The following SPAG17 variants were observed in gnomAD, a reference collection of about 807,000 sequenced individuals.
SPAG17 encodes the protein sperm-associated antigen 17.
Under a neutral mutation model 273.6 loss-of-function variants are expected in SPAG17, and 169 were observed. The observed-to-expected ratio is 0.62, with a 90% CI of 0.55 to 0.70. SPAG17 has a LOEUF of 0.70. Among genes scored for constraint, SPAG17 ranks in the 30% least tolerant of loss-of-function variants. SPAG17 has a pLI of 0.00. For synonymous variants in SPAG17, 825 were observed against 873.2 expected, an observed-to-expected ratio of 0.94 and a Z score of 0.97; for missense variants, 2,557 against 2,627.8, an observed-to-expected ratio of 0.97 and a Z score of 0.59.
At chr1:118,009,648 C>G (rs1386249089) in intron 30 of SPAG17, among the ~76,000 whole-genome samples, 1 of 152,126 alleles carries the variant, frequency 6.6e-6, no homozygotes, top group African/African-American at 2.4e-5. Context: ...GTATCTAGGA[C>G]AGATGAATAT....
At chr1:118,034,683 T>C (rs1224087405) in intron 24 of SPAG17, among the ~76,000 whole-genome samples, 5 of 152,212 alleles carry the variant, frequency 3.3e-5, no homozygotes, top group African/African-American at 2.4e-5. Flanking sequence ...AGAGACAGCA[T>C]AGTTTATTCA....
rs1464510055 is a variant in SPAG17, at chr1:117,994,534, G to A, written c.5054-4C>T. On this transcript the variant is annotated splice_region_variant and splice_polypyrimidine_tract_variant and intron_variant, in intron 34 of 48. Coordinates refer to ENST00000336338, the MANE Select transcript of SPAG17 (RefSeq NM_206996.4). ...AGGACTGTGATGGTTAGGGTGCCTG[G>A]TTCAAAGAAAGTTGTCAGAAGACCA... 6.2e-7 allele frequency: 1 copy of A among 1,602,252 alleles called. No homozygotes were observed. The highest frequency in any genetic ancestry group is 1.3e-5 in the African/African-American group (1 of 74,206).
At chr1:118,038,338 C>T (rs1443135967) in intron 23 of SPAG17, among the ~76,000 whole-genome samples, 1 of 152,164 alleles carries the variant, frequency 6.6e-6, no homozygotes, top group Non-Finnish European at 1.5e-5. Flanking sequence ...CATAATGGTA[C>T]AGCCAATTTG....
At chr1:118,055,178 A>G (rs1249717605) in intron 19 of SPAG17, among the ~76,000 whole-genome samples, 4 of 151,956 alleles carry the variant, frequency 2.6e-5, no homozygotes, top group African/African-American at 7.3e-5. Context: ...CCACCACAAC[A>G]TCATCAACAA....
At chr1:118,132,993 G>A (rs751260856) in intron 3 of SPAG17, among the ~76,000 whole-genome samples, 2 of 152,034 alleles carry the variant, frequency 1.3e-5, no homozygotes, top group Non-Finnish European at 2.9e-5. Context: ...GGATGGTCTC[G>A]ATCTCTTGCC....
At chr1:118,032,942 C>G (rs145656234) in intron 24 of SPAG17, among the ~76,000 whole-genome samples, 49 of 152,230 alleles carry the variant, frequency 3.2e-4, no homozygotes, top group African/African-American at 1.1e-3. Context: ...TCTCAATCCT[C>G]CTTGCCTGTA....
intron 32 of SPAG17, among the ~76,000 whole-genome samples, chr1:118,003,304 G>T (rs527665213): frequency 1.3e-5 from 2 of 152,092 alleles, no homozygotes; most frequent in South Asian, 4.2e-4. Context: ...TTGTGTCTTG[G>T]GGTTGCTCTT....
intron 13 of SPAG17, among the ~76,000 whole-genome samples, chr1:118,085,669 T>C (rs1204464203): frequency 6.6e-6 from 1 of 152,118 alleles, no homozygotes; most frequent in East Asian, 1.9e-4. Context: ...AGGGAATTAT[T>C]GTGGTTAAGA....
chr1:118,152,871 AACT>A (rs1659465802), intron 1 of SPAG17, among the ~76,000 whole-genome samples: 4 of 152,230 alleles, frequency 2.6e-5, no homozygotes, highest in African/African-American at 9.6e-5. Flanking sequence ...TCAAAGCTGC[AACT>A]GTAGTCATCA....
intron 30 of SPAG17, among the ~76,000 whole-genome samples, chr1:118,010,117 T>C (rs1659322741): frequency 6.6e-6 from 1 of 152,098 alleles, no homozygotes; most frequent in Admixed American, 6.6e-5. Flanking sequence ...TCAAAGGATA[T>C]AAAATTTCAG....
At chr1:117,996,047 A>G (rs2101675854) in intron 34 of SPAG17, among the ~76,000 whole-genome samples, 1 of 152,218 alleles carries the variant, frequency 6.6e-6, no homozygotes, top group East Asian at 1.9e-4. Context: ...TTTTCTTACC[A>G]AGATGAAATG....
intron 28 of SPAG17, among the ~76,000 whole-genome samples, chr1:118,021,372 A>T (rs897523665): frequency 1.3e-5 from 2 of 152,084 alleles, no homozygotes; most frequent in Non-Finnish European, 2.9e-5. Flanking sequence ...GACAATAAAA[A>T]GGTCAGTGGT....
At chr1:118,092,093 A>G in intron 8 of SPAG17, 91 bp from the exon 9 acceptor site, 1 of 1,048,988 alleles carries the variant, frequency 9.5e-7, no homozygotes, top group South Asian at 1.3e-5. Context: ...CCAACAGGAT[A>G]CTCAGGTTGT....
intron 25 of SPAG17, among the ~76,000 whole-genome samples, chr1:118,029,775 G>A (rs1557929466): frequency 2.0e-5 from 3 of 152,020 alleles, no homozygotes; most frequent in South Asian, 2.1e-4. Flanking sequence ...TCACTCCACC[G>A]GTACCCAATT....
chr1:117,988,404 C>T (rs1056969460), intron 38 of SPAG17, among the ~76,000 whole-genome samples, 200 bp from the exon 39 acceptor site: 3 of 152,144 alleles, frequency 2.0e-5, no homozygotes, highest in Non-Finnish European at 4.4e-5. Flanking sequence ...AGAAAACACA[C>T]AACTTATAGT....
chr1:118,013,759 C>A (rs1659702166), intron 29 of SPAG17, among the ~76,000 whole-genome samples: 1 of 152,094 alleles, frequency 6.6e-6, no homozygotes, highest in African/African-American at 2.4e-5. Flanking sequence ...TAAACAGTGA[C>A]ATTTTCTGGT....
At chr1:118,067,499 C>T (rs1653102949) in intron 17 of SPAG17, among the ~76,000 whole-genome samples, 2 of 152,152 alleles carry the variant, frequency 1.3e-5, no homozygotes, top group African/African-American at 4.8e-5. Context: ...CTCTCTCTGC[C>T]ATGTGAGGAC....
intron 23 of SPAG17, among the ~76,000 whole-genome samples, chr1:118,038,937 G>A (rs1228648454): frequency 6.6e-6 from 1 of 152,130 alleles, no homozygotes; most frequent in African/African-American, 2.4e-5. Flanking sequence ...ATATGTTAAT[G>A]TAGGTTCATC....
At chr1:118,061,267 A>G (rs146665173) in intron 18 of SPAG17, among the ~76,000 whole-genome samples, 1 of 152,314 alleles carries the variant, frequency 6.6e-6, no homozygotes, top group Non-Finnish European at 1.5e-5. Flanking sequence ...CTTCATTGCA[A>G]TGTTTTCCAC....
Sources: allele counts gnomAD v4.1 joint callset (sites outside exome capture counted in the v4.1 genomes callset), GRCh38; gene constraint gnomAD v4.1.1; transcripts MANE v1.5; gene names NCBI Gene and HGNC (gene_info 2026-07-23, HGNC 2026-07-21).